Variants in IKZF3 observed in about 807,000 individuals in gnomAD.
IKZF3 encodes the protein zinc finger protein Aiolos.
Under a neutral mutation model 49.0 loss-of-function variants are expected in IKZF3, and 10 were observed. That is an observed-to-expected ratio of 0.20 (90% confidence interval 0.13 to 0.35). The LOEUF is 0.35. Ranked by LOEUF, IKZF3 falls within the 10% of genes least tolerant of loss-of-function variation. The pLI is 1.00. For missense variants in IKZF3, 498 were observed against 664.8 expected, an observed-to-expected ratio of 0.75 and a Z score of 2.76; for synonymous variants, 209 against 228.2, an observed-to-expected ratio of 0.92 and a Z score of 0.76.
At chr17:39,789,155 C>T (rs564486047) in intron 5 of IKZF3, among the ~76,000 whole-genome samples, 10 of 152,200 alleles carry the variant, frequency 6.6e-5, no homozygotes, top group East Asian at 3.9e-4. Flanking sequence ...ATAGGCCGGG[C>T]GCAGTGGCTG....
chr17:39,814,757 A>C (rs2061640078), intron 3 of IKZF3, among the ~76,000 whole-genome samples: 1 of 152,188 alleles, frequency 6.6e-6, no homozygotes, highest in Non-Finnish European at 1.5e-5. Flanking sequence ...ACTCTTCCCT[A>C]GGCCCTTCCC....
chr17:39,783,851 C>T (rs1276675952), intron 6 of IKZF3, among the ~76,000 whole-genome samples: 2 of 152,230 alleles, frequency 1.3e-5, no homozygotes, highest in South Asian at 2.1e-4. Flanking sequence ...ATTGCTTGAA[C>T]CCAGAAGGCG....
At chr17:39,825,136 C>T (rs541050373) in intron 3 of IKZF3, among the ~76,000 whole-genome samples, 8 of 152,202 alleles carry the variant, frequency 5.3e-5, no homozygotes, top group Non-Finnish European at 1.2e-4. Flanking sequence ...GTCAATTAAA[C>T]CTCTTTTCTT....
At chr17:39,773,558 C>CT (rs1208730358) in intron 7 of IKZF3, among the ~76,000 whole-genome samples, 1 of 152,142 alleles carries the variant, frequency 6.6e-6, no homozygotes, top group Non-Finnish European at 1.5e-5. Context: ...TGAGTGAGAT[C>CT]TTTTTTTCAT....
At position 39,758,287 on chromosome 17, in the gene IKZF3, C is replaced by A. The variant is rs1405341907; in HGVS notation, c.*7503G>T. On this transcript the variant is annotated 3_prime_UTR_variant, in exon 8 of 8. Coordinates refer to ENST00000346872, the MANE Select transcript of IKZF3 (RefSeq NM_012481.5). Reference sequence around the variant, plus strand: ...CTGCTTTGTAAATGACCTGCTAATTCTTTGCAACCCACAGTAATTTGGTTT... The same window carrying A: ...CTGCTTTGTAAATGACCTGCTAATTATTTGCAACCCACAGTAATTTGGTTT... 1 of 152,230 alleles carries A rather than the reference C, an allele frequency of 6.6e-6. No individual in the cohort carries two copies. Among genetic ancestry groups the A allele is most frequent in the African/African-American group, 2.4e-5 (1 of 41,448 alleles). 9.4% of individuals were successfully genotyped at this position (152,230 alleles called of 1,614,324 possible).
chr17:39,776,628 T>C (rs1172993139), intron 7 of IKZF3, among the ~76,000 whole-genome samples: 8 of 152,362 alleles, frequency 5.3e-5, no homozygotes, highest in East Asian at 3.9e-4. Flanking sequence ...TTTTGAAATA[T>C]ATGGGTTCTT....
At chr17:39,829,563 C>T in intron 2 of IKZF3, 75 bp from the exon 3 acceptor site, 1 of 997,692 alleles carries the variant, frequency 1.0e-6, no homozygotes, top group Non-Finnish European at 1.5e-6. Context: ...AAGTAGACCC[C>T]CATTTAACTT....
chr17:39,840,616 T>G (rs1247339597), intron 1 of IKZF3, among the ~76,000 whole-genome samples: 1 of 152,222 alleles, frequency 6.6e-6, no homozygotes, highest in Non-Finnish European at 1.5e-5. Context: ...ATTTTTAGTT[T>G]AAAAAATACA....
At chr17:39,846,484 A>G (rs1387713219) in intron 1 of IKZF3, among the ~76,000 whole-genome samples, 1 of 147,930 alleles carries the variant, frequency 6.8e-6, no homozygotes, top group African/African-American at 2.5e-5. Flanking sequence ...TTAAGATACC[A>G]AGGTTTTTTT....
At chr17:39,807,401 CTTTTT>C (rs1257023793) in intron 3 of IKZF3, among the ~76,000 whole-genome samples, 2 of 136,192 alleles carry the variant, frequency 1.5e-5, no homozygotes, top group Admixed American at 7.4e-5. Flanking sequence ...CAATGATATT[CTTTTT>C]TTTTTTTTTT....
At chr17:39,814,788 A>G (rs75254587) in intron 3 of IKZF3, among the ~76,000 whole-genome samples, 5,388 of 152,246 alleles carry the variant, frequency 0.035, 333 homozygotes, top group African/African-American at 0.12. Context: ...TGACATCTTA[A>G]TTTTGAACTT....
chr17:39,814,967 G>A (rs907872676), intron 3 of IKZF3, among the ~76,000 whole-genome samples: 34 of 152,144 alleles, frequency 2.2e-4, no homozygotes, highest in Admixed American at 4.6e-4. Flanking sequence ...GGTATCGTGT[G>A]TACTTTTTAC....
intron 1 of IKZF3, among the ~76,000 whole-genome samples, chr17:39,857,894 T>G (rs980366267): frequency 1.3e-5 from 2 of 148,634 alleles, no homozygotes; most frequent in Non-Finnish European, 3.0e-5. Flanking sequence ...GAGGATGAGG[T>G]GGGAGGATCG....
chr17:39,832,098 C>T lies in IKZF3; in HGVS notation c.61G>A (p.Glu21Lys). The change falls in exon 2 of 8, where the codon GAA becomes AAA. Residue 21 changes from glutamate (E) to lysine (K), a missense_variant and splice_region_variant. Transcript: ENST00000346872. ...KSTQEQSVPA[E>K]SAAVLNDYSL... ...CCAGAGAGGAAAGACCTGATGTTAC[C>T]TGCGGGCACAGACTGCTCCTGAGTG... 1 of 1,609,082 alleles carries T rather than the reference C, an allele frequency of 6.2e-7. No individual in the cohort carries two copies. Among genetic ancestry groups the T allele is most frequent in the Non-Finnish European group, 8.5e-7 (1 of 1,176,366 alleles).
At chr17:39,827,652 C>T (rs908253133) in intron 3 of IKZF3, among the ~76,000 whole-genome samples, 5 of 152,114 alleles carry the variant, frequency 3.3e-5, no homozygotes, top group African/African-American at 1.2e-4. Flanking sequence ...CTGGAAGGGG[C>T]TTTGCTTACC....
intron 3 of IKZF3, 138 bp from the exon 4 acceptor site, chr17:39,793,071 A>G: frequency 2.3e-6 from 2 of 854,842 alleles, no homozygotes; most frequent in South Asian, 3.4e-5. Flanking sequence ...AAAACAAGAA[A>G]GCACCATTAG....
At chr17:39,829,876 C>T (rs184507003) in intron 2 of IKZF3, among the ~76,000 whole-genome samples, 138 of 152,154 alleles carry the variant, frequency 9.1e-4, no homozygotes, top group Non-Finnish European at 1.7e-3. Flanking sequence ...CACTTGAACT[C>T]GGGAGGTGGA....
chr17:39,855,048 G>A (rs530302914), intron 1 of IKZF3, among the ~76,000 whole-genome samples: 3 of 152,234 alleles, frequency 2.0e-5, no homozygotes, highest in African/African-American at 4.8e-5. Flanking sequence ...AACATGTAAC[G>A]GTCTAAATCA....
At chr17:39,797,734 A>G (rs1384888179) in intron 3 of IKZF3, among the ~76,000 whole-genome samples, 2 of 151,664 alleles carry the variant, frequency 1.3e-5, no homozygotes, top group Non-Finnish European at 2.9e-5. Flanking sequence ...CTGCACTCCT[A>G]TTTCTTCAAT....
Sources: gnomAD v4.1 joint callset for allele counts (sites outside exome capture counted in the v4.1 genomes callset) on GRCh38, gnomAD v4.1.1 for gene constraint, MANE v1.5 for transcripts, NCBI Gene and HGNC (gene_info 2026-07-23, HGNC 2026-07-21) for gene names.